Variants in GNG12 observed in about 807,000 individuals in gnomAD.
The protein encoded by GNG12 is G protein subunit gamma 12, also known as guanine nucleotide-binding protein G(I)/G(S)/G(O) subunit gamma-12.
For missense variants in GNG12, 69 were observed against 83.8 expected (o/e 0.82, Z 0.69); for synonymous variants, 28 against 29.7 (o/e 0.94, Z 0.19).
At chr1:67,787,976 T>C (rs867141272) in intron 1 of GNG12, among the ~76,000 whole-genome samples, 1 of 152,156 alleles carries the variant, frequency 6.6e-6, no homozygotes, top group Non-Finnish European at 1.5e-5. Flanking sequence ...TACTCAGAGT[T>C]TGTGAGGCAC....
intron 1 of GNG12, among the ~76,000 whole-genome samples, chr1:67,829,926 C>T (rs1399046241): frequency 1.3e-5 from 2 of 151,598 alleles, no homozygotes; most frequent in African/African-American, 4.9e-5. Flanking sequence ...GATCCTGGTT[C>T]AGCCCAATTC....
At chr1:67,750,252 A>T (rs1646530820) in intron 2 of GNG12, among the ~76,000 whole-genome samples, 1 of 152,128 alleles carries the variant, frequency 6.6e-6, no homozygotes. Flanking sequence ...GAAAAATGAG[A>T]GAGTCTTTGG....
chr1:67,786,054 T>C (rs1239860115), intron 1 of GNG12, among the ~76,000 whole-genome samples: 1 of 152,156 alleles, frequency 6.6e-6, no homozygotes, highest in East Asian at 1.9e-4. Context: ...ATGATTAATG[T>C]TAACTAGGGA....
At chr1:67,744,683 TTAA>T (rs1646499154) in intron 2 of GNG12, among the ~76,000 whole-genome samples, 1 of 152,146 alleles carries the variant, frequency 6.6e-6, no homozygotes, top group Non-Finnish European at 1.5e-5. Flanking sequence ...GCAGATGCTA[TTAA>T]TATCTCATTT....
At chr1:67,758,508 G>A (rs1272338411) in intron 2 of GNG12, among the ~76,000 whole-genome samples, 2 of 152,228 alleles carry the variant, frequency 1.3e-5, no homozygotes, top group African/African-American at 4.8e-5. Flanking sequence ...TTGGCCTGGT[G>A]TCAGGATTGG....
intron 1 of GNG12, among the ~76,000 whole-genome samples, chr1:67,821,903 A>G (rs182757285): frequency 6.6e-6 from 1 of 152,154 alleles, no homozygotes; most frequent in African/African-American, 2.4e-5. Flanking sequence ...TGCAAACGGG[A>G]AAACAGGATC....
At chr1:67,793,622 A>T (rs754056738) in intron 1 of GNG12, among the ~76,000 whole-genome samples, 1 of 151,976 alleles carries the variant, frequency 6.6e-6, no homozygotes, top group South Asian at 2.1e-4. Context: ...TGCAGTCTGC[A>T]TCCCTCTCGG....
intron 2 of GNG12, among the ~76,000 whole-genome samples, chr1:67,710,402 G>A (rs1646288424): frequency 6.6e-6 from 1 of 150,728 alleles, no homozygotes; most frequent in Admixed American, 6.7e-5. Flanking sequence ...CCCTTTGCAT[G>A]AGGATAAGGT....
intron 2 of GNG12, among the ~76,000 whole-genome samples, chr1:67,716,024 C>T (rs1282512719): frequency 1.3e-5 from 2 of 152,110 alleles, no homozygotes; most frequent in Non-Finnish European, 1.5e-5. Context: ...GCAAGTGCTG[C>T]CCTGGTCTGG....
intron 1 of GNG12, among the ~76,000 whole-genome samples, chr1:67,820,689 C>T (rs181475899): frequency 1.3e-5 from 2 of 152,346 alleles, no homozygotes; most frequent in Admixed American, 6.5e-5. Flanking sequence ...ACCTTCCAAG[C>T]ACAGTATTCA....
At chr1:67,830,233 G>A (rs762389485) in intron 1 of GNG12, among the ~76,000 whole-genome samples, 28 of 152,140 alleles carry the variant, frequency 1.8e-4, no homozygotes, top group Non-Finnish European at 3.1e-4. Context: ...TTGAACTCCC[G>A]ACCTCAGGTG....
At chr1:67,751,212 CGT>C (rs1646537340) in intron 2 of GNG12, among the ~76,000 whole-genome samples, 1 of 146,324 alleles carries the variant, frequency 6.8e-6, no homozygotes, top group South Asian at 2.1e-4. Flanking sequence ...CACACACACA[CGT>C]GCATATACAC....
chr1:67,808,686 C>T (rs1646906926), intron 1 of GNG12, among the ~76,000 whole-genome samples: 1 of 152,098 alleles, frequency 6.6e-6, no homozygotes. Context: ...ATTAGAAACA[C>T]ATTACTATTT....
In GNG12 at chr1:67,798,961, T is replaced by A. The variant is rs556671760; in HGVS notation, c.-76-21454A>T. 5.3e-5 allele frequency among the ~76,000 whole-genome samples: 8 copies of A among 150,784 alleles called. No homozygotes were observed. The East Asian group carries it at 9.8e-4, about 18-fold the overall frequency. ...GAGCAAGGCTGTCTCACAAAAAAAA[T>A]ATAAATAAATAAATAAATAAATAAA... is the stretch of plus-strand genomic sequence containing the variant. On this transcript the variant is annotated intron_variant, in intron 1 of 3. Coordinates refer to ENST00000370982, the MANE Select transcript of GNG12 (RefSeq NM_018841.6).
At chr1:67,727,746 A>G (rs1369130789) in intron 2 of GNG12, among the ~76,000 whole-genome samples, 4 of 152,220 alleles carry the variant, frequency 2.6e-5, no homozygotes, top group Admixed American at 6.5e-5. Context: ...CCATCAAAAG[A>G]TAGCAATTTA....
chr1:67,829,225 A>G (rs2249883), intron 1 of GNG12, among the ~76,000 whole-genome samples: 39,049 of 152,168 alleles, frequency 0.26, 5,620 homozygotes, highest in Admixed American at 0.34. Context: ...TAATAACACA[A>G]TGTAACTGTG....
rs1039023796 is a variant in GNG12 at position 67,830,106 on chromosome 1, A to G, written c.-77+3238T>C. ...CCGCAACCTCCGCCTCCTGGGTTCA[A>G]GTGATTCTCCTGCCTCAGCATCCCG... is the stretch of plus-strand genomic sequence containing the variant. On this transcript the variant is annotated intron_variant, in intron 1 of 3. Coordinates refer to ENST00000370982, the MANE Select transcript of GNG12 (RefSeq NM_018841.6). 6.6e-5 allele frequency among the ~76,000 whole-genome samples: 10 copies of G among 151,454 alleles called. No homozygotes were observed. The Admixed American group carries it at 6.6e-4, about 10-fold the overall frequency.
chr1:67,797,854 G>A (rs1011881861), intron 1 of GNG12, among the ~76,000 whole-genome samples: 2 of 152,088 alleles, frequency 1.3e-5, no homozygotes, highest in South Asian at 2.1e-4. Context: ...TGACTGCACC[G>A]GCCAGGCTTA....
intron 1 of GNG12, among the ~76,000 whole-genome samples, chr1:67,820,246 G>C (rs1646977390): frequency 6.6e-6 from 1 of 152,034 alleles, no homozygotes; most frequent in Non-Finnish European, 1.5e-5. Context: ...AAAATTAGCT[G>C]GGTGTGGTGG....
Sources: allele counts gnomAD v4.1 joint callset (sites outside exome capture counted in the v4.1 genomes callset), GRCh38; gene constraint gnomAD v4.1.1; transcripts MANE v1.5; gene names NCBI Gene and HGNC (gene_info 2026-07-23, HGNC 2026-07-21).